Variants in SLC20A1 observed in about 807,000 individuals in gnomAD.
The protein encoded by SLC20A1 is sodium-dependent phosphate transporter 1.
In SLC20A1, 28 loss-of-function variants were observed where a neutral mutation model predicts 62.7. The ratio of observed to expected loss-of-function variants is 0.45; its 90% CI spans 0.33 to 0.61. The LOEUF is 0.61. Among genes scored for constraint, SLC20A1 ranks in the 20% least tolerant of loss-of-function variants. The pLI, the probability that SLC20A1 is intolerant of heterozygous loss-of-function variation, is 0.02. For missense variants in SLC20A1, 673 were observed against 838.6 expected, an observed-to-expected ratio of 0.80 and a Z score of 2.44; for synonymous variants, 305 against 302.9, an observed-to-expected ratio of 1.01 and a Z score of -0.07.
intron 4 of SLC20A1, among the ~76,000 whole-genome samples, chr2:112,651,119 A>G (rs747283977): frequency 6.6e-6 from 1 of 152,194 alleles, no homozygotes; most frequent in African/African-American, 2.4e-5. Flanking sequence ...TAAACTATAG[A>G]TAAGAGTTAA....
In SLC20A1 at chr2:112,647,686, G is replaced by C. The variant is rs1686321402; in HGVS notation, c.509G>C (p.Gly170Ala). 2 of 1,613,874 alleles carry C rather than the reference G, an allele frequency of 1.2e-6. No homozygotes were observed. Among genetic ancestry groups the C allele is most frequent in the Non-Finnish European group, 1.7e-6 (2 of 1,179,940 alleles). The change falls in exon 4 of 11, where the codon GGA (glycine) becomes GCA (alanine). Residue 170 changes from glycine to alanine, a missense_variant. Physicochemically the swap from Gly to Ala is moderately conservative, Grantham distance 60. Transcript: ENST00000272542. Reference sequence around the variant, plus strand: ...TGGTTCGTGTCCCCACTGCTTTCTGGAATTATGTCTGGAATTTTATTCTTC... The same window carrying C: ...TGGTTCGTGTCCCCACTGCTTTCTGCAATTATGTCTGGAATTTTATTCTTC... ...MSWFVSPLLS[G>A]IMSGILFFLV...
intron 6 of SLC20A1, among the ~76,000 whole-genome samples, chr2:112,657,633 G>A (rs865908798): frequency 9.2e-5 from 14 of 152,246 alleles, no homozygotes; most frequent in African/African-American, 2.9e-4. Context: ...AGATATTTTC[G>A]TAGAGGAAAT....
Position 112,663,120 on chromosome 2 carries a change from C to A in SLC20A1, c.*95C>A. ...GATTACAGTGTTAACAGAAGACTGA[C>A]AAGAGTCTTTTTATTTGGGAGCCAG... On this transcript the variant is annotated 3_prime_UTR_variant, in exon 11 of 11. Transcript: ENST00000272542. The A allele has an allele frequency of 7.1e-7, 1 of 1,402,802 alleles. No homozygotes were observed. The highest frequency in any genetic ancestry group is 1.0e-6 in the Non-Finnish European group (1 of 988,722). 86.9% of individuals were successfully genotyped at this position (1,402,802 alleles called of 1,614,324 possible). A position where few individuals can be genotyped will look rare whatever the true frequency, so the allele number is the denominator to read the frequency against.
Position 112,661,178 on chromosome 2 carries a change from G to A in SLC20A1, c.1830G>A (p.Val610=), listed in dbSNP as rs954982897. 3 of 1,613,922 alleles carry A rather than the reference G, an allele frequency of 1.9e-6. No homozygotes were observed. The highest frequency in any genetic ancestry group is 2.2e-5 in the East Asian group (1 of 44,884). ...TTGAACTGGCATCTGCCCTCACTGT[G>A]GTGATTGCATCAAATATTGGCCTTC... ...FSIELASALT[V]VIASNIGLPI... The change falls in exon 10 of 11, where the codon GTG becomes GTA. Residue 610 remains valine (V), a synonymous_variant. Coordinates refer to ENST00000272542, the MANE Select transcript of SLC20A1 (RefSeq NM_005415.5).
At chr2:112,661,278 G>T (rs1686741836) in intron 10 of SLC20A1, 52 bp downstream of exon 10, 2 of 1,391,822 alleles carry the variant, frequency 1.4e-6, no homozygotes, top group Non-Finnish European at 2.0e-6. Context: ...AATATGTAGG[G>T]TTTTTAGTTT....
At chr2:112,649,905 G>A (rs142285780) in intron 4 of SLC20A1, among the ~76,000 whole-genome samples, 5 of 152,298 alleles carry the variant, frequency 3.3e-5, no homozygotes, top group African/African-American at 4.8e-5. Flanking sequence ...ATGACTAGAC[G>A]ATGAGGCATT....
intron 4 of SLC20A1, among the ~76,000 whole-genome samples, chr2:112,650,733 C>T (rs113649793): frequency 0.02 from 3,076 of 152,270 alleles, 44 homozygotes; most frequent in South Asian, 0.05. Flanking sequence ...AAGTGATCCT[C>T]CTGCCTCAGC....
chr2:112,655,812 G>C (rs1210659651), intron 5 of SLC20A1, among the ~76,000 whole-genome samples: 1 of 152,030 alleles, frequency 6.6e-6, no homozygotes, highest in African/African-American at 2.4e-5. Flanking sequence ...TGATTCTCCT[G>C]CCTCAGCCTC....
Position 112,663,362 on chromosome 2 carries a change from T to C in SLC20A1, c.*337T>C, listed in dbSNP as rs1374344675. 1 of 361,678 alleles carries C rather than the reference T, an allele frequency of 2.8e-6. No individual in the cohort carries two copies. Among genetic ancestry groups the C allele is most frequent in the Non-Finnish European group, 5.4e-6 (1 of 186,564 alleles). The allele number at this position is 361,678 out of a possible 1,614,324, so 22.4% of individuals were successfully genotyped here. ...TCTGAAGATGACTTGTGATTTTTTT[T>C]TCTTTTTTTTAAACCATGAAGAGCC... On this transcript the variant is annotated 3_prime_UTR_variant, in exon 11 of 11. Coordinates refer to ENST00000272542, the MANE Select transcript of SLC20A1 (RefSeq NM_005415.5).
rs921020445 is a variant in SLC20A1, at chr2:112,663,439, A to G, written c.*414A>G. The G allele has an allele frequency of 3.1e-5, 10 of 327,290 alleles. No homozygotes were observed. Among genetic ancestry groups the G allele is most frequent in the African/African-American group, 2.0e-4 (9 of 45,754 alleles). The allele number at this position is 327,290 out of a possible 1,614,324, so 20.3% of individuals were successfully genotyped here. ...TGGTTTCACCAGCTTCTGCCCTCAC[A>G]TGCACAGGGATTTAACAACAAAAAT... On this transcript the variant is annotated 3_prime_UTR_variant, in exon 11 of 11. Transcript: ENST00000272542.
At chr2:112,654,135 T>C (rs1395427177) in intron 5 of SLC20A1, among the ~76,000 whole-genome samples, 1 of 152,212 alleles carries the variant, frequency 6.6e-6, no homozygotes, top group Admixed American at 6.5e-5. Context: ...GGATTATATG[T>C]GTATTTTGTT....
chr2:112,653,375 A>C (rs901676347), intron 5 of SLC20A1: 4 of 168,454 alleles, frequency 2.4e-5, no homozygotes, highest in African/African-American at 9.6e-5. Context: ...CATGTTTGGG[A>C]CTAAGGCAAG....
At chr2:112,656,518 C>G (rs1023028968) in intron 5 of SLC20A1, among the ~76,000 whole-genome samples, 3 of 152,166 alleles carry the variant, frequency 2.0e-5, no homozygotes, top group Non-Finnish European at 4.4e-5. Context: ...AAAGCTTTTA[C>G]AACTATTCTT....
At chr2:112,658,613 C>A in intron 6 of SLC20A1, 2 of 497,276 alleles carry the variant, frequency 4.0e-6, no homozygotes, top group Non-Finnish European at 6.9e-6. Context: ...TTTTGGGACC[C>A]CTGACATAGG....
intron 4 of SLC20A1, among the ~76,000 whole-genome samples, chr2:112,650,332 G>A (rs55862189): frequency 6.9e-6 from 1 of 145,472 alleles, no homozygotes; most frequent in Non-Finnish European, 1.5e-5. Context: ...GTTTTTTGGA[G>A]CCTTTTTTTT....
chr2:112,652,372 C>G (rs1298338053), intron 4 of SLC20A1: 1 of 332,428 alleles, frequency 3.0e-6, no homozygotes, highest in Admixed American at 4.6e-5. Context: ...AGAGTATAGC[C>G]TATCCTCAGG....
rs114312260 is a variant in SLC20A1, at chr2:112,656,997, T to A, written c.659-125T>A. 1.2e-3 allele frequency: 1,309 copies of A among 1,104,100 alleles called. 13 individuals are homozygous for A. In the African/African-American group the frequency reaches 0.019, roughly 16 times the overall value. 68.4% of individuals were successfully genotyped at this position (1,104,100 alleles called of 1,614,324 possible). ...CACAGTAATCCTGTGCACTTAAATCTGGCAGCAGCTGTCAGGGGTGATGGG... is the reference window on the plus strand; with the variant it reads ...CACAGTAATCCTGTGCACTTAAATCAGGCAGCAGCTGTCAGGGGTGATGGG... On this transcript the variant is annotated intron_variant, in intron 5 of 10. Coordinates refer to ENST00000272542, the MANE Select transcript of SLC20A1 (RefSeq NM_005415.5).
chr2:112,657,121 G>A lies in SLC20A1; in HGVS notation c.659-1G>A. The A allele has an allele frequency of 6.2e-7, 1 of 1,613,984 alleles. No individual in the cohort carries two copies. Among genetic ancestry groups the A allele is most frequent in the Non-Finnish European group, 8.5e-7 (1 of 1,179,976 alleles). ...TCAAGATGCACCATTTTATCTCCTA[G>A]TGCTGGGCTTTGACAAACTTCCTCT... On this transcript the variant is annotated splice_acceptor_variant, in intron 5 of 10. Transcript: ENST00000272542. LOFTEE classifies it high-confidence loss of function.
intron 5 of SLC20A1, among the ~76,000 whole-genome samples, chr2:112,654,219 A>G (rs1686523943): frequency 6.6e-6 from 1 of 152,244 alleles, no homozygotes; most frequent in African/African-American, 2.4e-5. Context: ...CAACTTTAAG[A>G]AAATATTGTT....
Sources: gnomAD v4.1 joint callset for allele counts (sites outside exome capture counted in the v4.1 genomes callset) on GRCh38, gnomAD v4.1.1 for gene constraint, MANE v1.5 for transcripts, NCBI Gene and HGNC (gene_info 2026-07-23, HGNC 2026-07-21) for gene names.